RAP1A: variants seen among roughly 807,000 people sequenced by gnomAD.
RAP1A encodes the protein RAP1A, member of RAS oncogene family.
A neutral mutation model predicts 26.4 loss-of-function variants in RAP1A; 6 were observed. The ratio of observed to expected loss-of-function variants is 0.23; its 90% CI spans 0.12 to 0.45. The LOEUF is 0.45. Among genes scored for constraint, RAP1A ranks in the 20% least tolerant of loss-of-function variants. RAP1A has a pLI of 0.99. For missense variants in RAP1A, 121 were observed against 217.2 expected (o/e 0.56, Z 2.78); for synonymous variants, 73 against 79.4 (o/e 0.92, Z 0.43).
At chr1:111,697,644 A>G in intron 4 of RAP1A, 147 bp downstream of exon 4, 7 of 1,440,918 alleles carry the variant, frequency 4.9e-6, no homozygotes, top group Non-Finnish European at 5.5e-6. Context: ...TCTTAAGTAT[A>G]TGAAATCAAC....
intron 1 of RAP1A, among the ~76,000 whole-genome samples, chr1:111,669,755 T>C (rs978817624): frequency 4.6e-5 from 7 of 152,142 alleles, no homozygotes; most frequent in African/African-American, 1.7e-4. Flanking sequence ...TTTAAGGAGA[T>C]TACAATTAGA....
intron 1 of RAP1A, among the ~76,000 whole-genome samples, chr1:111,607,688 G>A (rs1658819049): frequency 7.1e-6 from 1 of 140,392 alleles, no homozygotes; most frequent in African/African-American, 2.6e-5. Flanking sequence ...GCCGGGCGGC[G>A]GGCTGACCCC....
intron 6 of RAP1A, among the ~76,000 whole-genome samples, chr1:111,707,447 C>T (rs1662230715): frequency 6.6e-6 from 1 of 152,062 alleles, no homozygotes; most frequent in South Asian, 2.1e-4. Flanking sequence ...AAAATTTTGC[C>T]ACTTGTTTAC....
At chr1:111,675,479 CAA>C (rs571508122) in intron 1 of RAP1A, among the ~76,000 whole-genome samples, 1,557 of 116,762 alleles carry the variant, frequency 0.013, 20 homozygotes, top group African/African-American at 0.039. Context: ...CTAAAAAAAA[CAA>C]AACAAAAAAA....
chr1:111,699,376 C>T (rs1355687746), intron 4 of RAP1A, among the ~76,000 whole-genome samples: 1 of 151,860 alleles, frequency 6.6e-6, no homozygotes, highest in Non-Finnish European at 1.5e-5. Flanking sequence ...ATGTGATTAC[C>T]AATAAGTATA....
chr1:111,560,674 GA>G (rs1396410683), intron 1 of RAP1A, among the ~76,000 whole-genome samples: 1 of 151,820 alleles, frequency 6.6e-6, no homozygotes, highest in African/African-American at 2.4e-5. Flanking sequence ...CCATTTGTTG[GA>G]GAGACAGGGA....
chr1:111,694,402 T>TAAA (rs1661767488), intron 2 of RAP1A, among the ~76,000 whole-genome samples: 1 of 152,196 alleles, frequency 6.6e-6, no homozygotes, highest in Non-Finnish European at 1.5e-5. Flanking sequence ...TCTGAGTAAT[T>TAAA]TAAGTGTAGA....
At chr1:111,689,097 A>C (rs148902398) in intron 1 of RAP1A, among the ~76,000 whole-genome samples, 4 of 152,068 alleles carry the variant, frequency 2.6e-5, no homozygotes, top group Non-Finnish European at 5.9e-5. Flanking sequence ...TGGCCTCCCA[A>C]AGTGCTGGGA....
At chr1:111,607,003 T>TTTTA (rs370268151) in intron 1 of RAP1A, among the ~76,000 whole-genome samples, 29,575 of 145,662 alleles carry the variant, frequency 0.2, 3,086 homozygotes, top group East Asian at 0.25. Flanking sequence ...ATTCATTTTC[T>TTTTA]TTTATTTATT....
intron 1 of RAP1A, among the ~76,000 whole-genome samples, chr1:111,653,606 C>T (rs919860298): frequency 3.5e-5 from 5 of 144,432 alleles, no homozygotes; most frequent in Admixed American, 1.5e-4. Context: ...ATCCTTGAAC[C>T]GGGAAGGCGG....
At chr1:111,664,443 C>G (rs1008968637) in intron 1 of RAP1A, among the ~76,000 whole-genome samples, 2 of 151,236 alleles carry the variant, frequency 1.3e-5, no homozygotes, top group African/African-American at 4.9e-5. Flanking sequence ...CCTCTCTCAC[C>G]CTTTCACAGT....
chr1:111,699,259 G>A (rs1661938273), intron 4 of RAP1A, among the ~76,000 whole-genome samples: 1 of 151,984 alleles, frequency 6.6e-6, no homozygotes, highest in South Asian at 2.1e-4. Context: ...TATCCATATA[G>A]AATCTATATG....
At chr1:111,621,413 C>G (rs951982679) in intron 1 of RAP1A, among the ~76,000 whole-genome samples, 3 of 152,114 alleles carry the variant, frequency 2.0e-5, no homozygotes, top group Non-Finnish European at 4.4e-5. Context: ...GTTTTGAAAT[C>G]ATATAGTTCG....
chr1:111,560,731 A>C (rs1457248310), intron 1 of RAP1A, among the ~76,000 whole-genome samples: 1 of 152,142 alleles, frequency 6.6e-6, no homozygotes, highest in African/African-American at 2.4e-5. Context: ...GCTTCAAGTA[A>C]TGCTCCAGCC....
intron 1 of RAP1A, among the ~76,000 whole-genome samples, chr1:111,669,884 A>G (rs1660920437): frequency 6.6e-6 from 1 of 152,256 alleles, no homozygotes; most frequent in Non-Finnish European, 1.5e-5. Flanking sequence ...TGTCAAAAAT[A>G]ACCAGAAGGA....
chr1:111,699,885 G>A (rs911930517), intron 4 of RAP1A, among the ~76,000 whole-genome samples: 1 of 151,994 alleles, frequency 6.6e-6, no homozygotes, highest in Admixed American at 6.6e-5. Flanking sequence ...CAGGTCCACG[G>A]TCCATCATTT....
Position 111,695,323 on chromosome 1 carries a change from T to C in RAP1A, c.58-18T>C, listed in dbSNP as rs1661794262. The C allele has an allele frequency of 1.3e-6, 2 of 1,530,276 alleles. No individual in the cohort carries two copies. Among genetic ancestry groups the C allele is most frequent in the Admixed American group, 2.2e-5 (1 of 44,608 alleles). 94.8% of individuals were successfully genotyped at this position (1,530,276 alleles called of 1,614,324 possible). ...TTTTCCTTTAATTTTTTAATATTTC[T>C]CTTTTTTTTTCCCCCAGACAGTTCA... is the stretch of plus-strand genomic sequence containing the variant. On this transcript the variant is annotated intron_variant, in intron 2 of 7. Transcript: ENST00000369709.
At chr1:111,619,715 A>C (rs908437778), upstream of RAP1A, 8 of 392,946 alleles carry the variant, frequency 2.0e-5, no homozygotes, top group South Asian at 2.7e-4. Context: ...AGCCATCGCC[A>C]ACTTGGAGGG....
intron 1 of RAP1A, chr1:111,563,841 C>T (rs1260786753): frequency 1.2e-6 from 2 of 1,610,790 alleles, no homozygotes. Flanking sequence ...TCTGCTATGA[C>T]TCACTGTGAC....
Sources: gnomAD v4.1 joint callset for allele counts (sites outside exome capture counted in the v4.1 genomes callset) on GRCh38, gnomAD v4.1.1 for gene constraint, MANE v1.5 for transcripts, NCBI Gene and HGNC (gene_info 2026-07-23, HGNC 2026-07-21) for gene names.